The following OPCML variants were observed in gnomAD, a reference collection of about 807,000 sequenced individuals.
OPCML encodes opioid binding protein/cell adhesion molecule like.
OPCML carries 13 observed loss-of-function variants against 37.8 expected under a neutral mutation model. The ratio of observed to expected loss-of-function variants is 0.34; its 90% CI spans 0.22 to 0.55. The LOEUF (loss-of-function observed/expected upper bound fraction) is 0.55. OPCML is among the 20% of genes least tolerant of loss of function. The pLI is 0.91. For synonymous variants in OPCML, 176 were observed against 168.8 expected (o/e 1.04, Z -0.33); for missense variants, 341 against 435.6 (o/e 0.78, Z 1.93).
chr11:132,617,956 A>G (rs1240593551), intron 3 of OPCML, among the ~76,000 whole-genome samples: 1 of 152,226 alleles, frequency 6.6e-6, no homozygotes, highest in Admixed American at 6.5e-5. Flanking sequence ...AATTCAGTCT[A>G]TAACAGGTAC....
chr11:132,650,169 A>G lies in OPCML; in HGVS notation c.379+6918T>C, dbSNP rs572944997. Among the ~76,000 whole-genome samples, 5 of 152,356 alleles carry G rather than the reference A, an allele frequency of 3.3e-5. No homozygotes were observed. The South Asian group carries it at 8.3e-4, about 25-fold the overall frequency. On this transcript the variant is annotated intron_variant, in intron 3 of 7. Transcript: ENST00000524381. ...ACCTTCTCTAACCAAAAAGTGAACA[A>G]CAAGGTTTACAGTCACCCCTAACTA...
intron 1 of OPCML, among the ~76,000 whole-genome samples, chr11:132,976,672 A>G (rs960657076): frequency 6.6e-6 from 1 of 152,236 alleles, no homozygotes; most frequent in African/African-American, 2.4e-5. Flanking sequence ...CCAGTCACTT[A>G]TAATAACAGG....
Position 133,166,401 on chromosome 11 carries a change from A to G in OPCML, c.62-223391T>C, listed in dbSNP as rs972277614. ...GGAACTGTGACATAAAGATGAGATG[A>G]TCTGCTCAAGGCCATACAGCTCCTG... On this transcript the variant is annotated intron_variant, in intron 1 of 7. Transcript: ENST00000524381. Among the ~76,000 whole-genome samples, 4 of 152,222 alleles carry G rather than the reference A, an allele frequency of 2.6e-5. 1 individual carries two copies. Among genetic ancestry groups the G allele is most frequent in the South Asian group, 4.1e-4 (2 of 4,836 alleles).
chr11:132,843,933 A>G (rs924169447), intron 2 of OPCML, among the ~76,000 whole-genome samples: 1 of 152,220 alleles, frequency 6.6e-6, no homozygotes, highest in African/African-American at 2.4e-5. Context: ...TCCCCACACA[A>G]ATCTCATCTT....
At chr11:133,432,547 A>C (rs1591492873) in intron 1 of OPCML, among the ~76,000 whole-genome samples, 1 of 152,008 alleles carries the variant, frequency 6.6e-6, no homozygotes, top group African/African-American at 2.4e-5. Context: ...AGTTTTTTGT[A>C]TTTATTCTGC....
At chr11:133,140,946 C>CGAAGACGACGAAGACGAA in intron 1 of OPCML, among the ~76,000 whole-genome samples, 51 of 4,668 alleles carry the variant, frequency 0.011, 8 homozygotes, top group African/African-American at 0.018. Flanking sequence ...AAGAAGAAGA[C>CGAAGACGACGAAGACGAA]GACGAAGAAG....
intron 2 of OPCML, among the ~76,000 whole-genome samples, chr11:132,940,806 AAAAG>A (rs1486658700): frequency 1.8e-4 from 27 of 152,230 alleles, no homozygotes; most frequent in Non-Finnish European, 2.9e-4. Context: ...ATAAAGACAA[AAAAG>A]AAAGAAAATA....
chr11:132,442,995 T>G (rs1018860750), intron 4 of OPCML, among the ~76,000 whole-genome samples: 1 of 152,132 alleles, frequency 6.6e-6, no homozygotes, highest in African/African-American at 2.4e-5. Context: ...AAAAACTTGG[T>G]GTTGAGGCAA....
intron 2 of OPCML, among the ~76,000 whole-genome samples, chr11:132,763,525 T>C (rs559977760): frequency 4.3e-4 from 66 of 152,272 alleles, no homozygotes; most frequent in African/African-American, 1.5e-3. Context: ...AAAATGTTCT[T>C]TTAAATGAGA....
At chr11:132,853,509 T>C (rs1941907850) in intron 2 of OPCML, among the ~76,000 whole-genome samples, 2 of 152,218 alleles carry the variant, frequency 1.3e-5, no homozygotes, top group Admixed American at 1.3e-4. Context: ...TATAGTTCAA[T>C]GTGTGTTAGT....
At chr11:133,119,547 G>C (rs545706348) in intron 1 of OPCML, among the ~76,000 whole-genome samples, 1 of 152,106 alleles carries the variant, frequency 6.6e-6, no homozygotes, top group Non-Finnish European at 1.5e-5. Flanking sequence ...TAACATACTT[G>C]AATATAAACA....
At chr11:132,576,862 A>C (rs956349761) in intron 3 of OPCML, among the ~76,000 whole-genome samples, 2 of 152,154 alleles carry the variant, frequency 1.3e-5, no homozygotes, top group African/African-American at 4.8e-5. Flanking sequence ...GGGTTGAGCC[A>C]GGAAAGGGCG....
At chr11:132,939,866 C>A (rs1945517736) in intron 2 of OPCML, among the ~76,000 whole-genome samples, 3 of 152,192 alleles carry the variant, frequency 2.0e-5, no homozygotes, top group African/African-American at 7.2e-5. Flanking sequence ...TGAAGTGATT[C>A]TGGCCAAGAG....
chr11:132,877,309 G>A (rs1444746130), intron 2 of OPCML, among the ~76,000 whole-genome samples: 1 of 152,140 alleles, frequency 6.6e-6, no homozygotes, highest in African/African-American at 2.4e-5. Flanking sequence ...AAAAAAAGAT[G>A]CAATATTCAC....
intron 2 of OPCML, among the ~76,000 whole-genome samples, chr11:132,916,916 A>AAGGCAGCATGAGTCTTT (rs1432273443): frequency 2.0e-5 from 3 of 152,160 alleles, no homozygotes; most frequent in Non-Finnish European, 2.9e-5. Flanking sequence ...AACTTTCACT[A>AAGGCAGCATGAGTCTTT]AGGCAGCATG....
chr11:132,827,860 T>C (rs902467656), intron 2 of OPCML, among the ~76,000 whole-genome samples: 1 of 151,764 alleles, frequency 6.6e-6, no homozygotes, highest in Non-Finnish European at 1.5e-5. Context: ...TTTGATCTCC[T>C]GACCTCATGA....
At chr11:132,994,706 T>C (rs1456651815) in intron 1 of OPCML, among the ~76,000 whole-genome samples, 1 of 152,194 alleles carries the variant, frequency 6.6e-6, no homozygotes, top group Non-Finnish European at 1.5e-5. Flanking sequence ...TGCCTCCAAA[T>C]GCCAGGCTCT....
At chr11:132,442,798 C>T (rs549232353) in intron 4 of OPCML, among the ~76,000 whole-genome samples, 1 of 152,246 alleles carries the variant, frequency 6.6e-6, no homozygotes, top group African/African-American at 2.4e-5. Flanking sequence ...TGTAAGATGT[C>T]CCTTGCTCTT....
intron 1 of OPCML, chr11:133,299,312 T>C (rs1942722733): frequency 6.6e-6 from 1 of 152,246 alleles, no homozygotes; most frequent in Non-Finnish European, 1.5e-5. Flanking sequence ...AGAACTGTTC[T>C]TCTGGTTCCT....
Sources: allele counts gnomAD v4.1 joint callset (sites outside exome capture counted in the v4.1 genomes callset), GRCh38; gene constraint gnomAD v4.1.1; transcripts MANE v1.5; gene names NCBI Gene and HGNC (gene_info 2026-07-23, HGNC 2026-07-21).